Variants in EFCAB8 observed in about 807,000 individuals in gnomAD.
EFCAB8 encodes the protein EF-hand calcium-binding domain-containing protein 8.
Under a neutral mutation model 116.3 loss-of-function variants are expected in EFCAB8, and 100 were observed. The ratio of observed to expected loss-of-function variants is 0.86; its 90% CI spans 0.73 to 1.02. The LOEUF (loss-of-function observed/expected upper bound fraction) is 1.02. Among genes scored for constraint, EFCAB8 ranks in the 50% least tolerant of loss-of-function variants. The pLI is 0.00. For synonymous variants in EFCAB8, 558 were observed against 567.9 expected (o/e 0.98, Z 0.25); for missense variants, 1,320 against 1,416.9 (o/e 0.93, Z 1.10).
chr20:32,884,201 A>T (rs947908612), intron 5 of EFCAB8, among the ~76,000 whole-genome samples: 1 of 152,168 alleles, frequency 6.6e-6, no homozygotes, highest in African/African-American at 2.4e-5. Flanking sequence ...ATATTTAATT[A>T]CCTTCATGAA....
intron 20 of EFCAB8, among the ~76,000 whole-genome samples, chr20:32,929,473 T>TCCCCTCCCCC (rs1987805736): frequency 8.7e-6 from 1 of 114,918 alleles, no homozygotes; most frequent in African/African-American, 3.4e-5. Context: ...TCCCCTCCCC[T>TCCCCTCCCCC]CCCCTCCCCT....
chr20:32,934,305 A>T (rs1193269868), intron 22 of EFCAB8, among the ~76,000 whole-genome samples: 1 of 152,106 alleles, frequency 6.6e-6, no homozygotes, highest in Non-Finnish European at 1.5e-5. Flanking sequence ...AAGGCTGAAT[A>T]GTATTCCATT....
At position 32,871,554 on chromosome 20, in the gene EFCAB8, C is replaced by T. The variant is rs181550292; in HGVS notation, c.208+3807C>T. On this transcript the variant is annotated intron_variant, in intron 3 of 26. Coordinates refer to ENST00000400522, the MANE Select transcript of EFCAB8 (RefSeq NM_001143967.2). ...CTTGCTTTTTACTGAATGTATCTTG[C>T]AGATATTTTCATATCAATATTAAAA... is the stretch of plus-strand genomic sequence containing the variant. Among the ~76,000 whole-genome samples the T allele has an allele frequency of 1.5e-4, 23 of 152,194 alleles. No homozygotes were observed. The East Asian group carries it at 4.4e-3, about 29-fold the overall frequency.
chr20:32,880,272 C>CTTT (rs35227113), intron 5 of EFCAB8, among the ~76,000 whole-genome samples: 2 of 145,666 alleles, frequency 1.4e-5, no homozygotes, highest in Non-Finnish European at 3.0e-5. Context: ...CCAAGGGTAA[C>CTTT]TTTTTTTTTT....
chr20:32,862,180 G>A (rs986988583), intron 1 of EFCAB8, among the ~76,000 whole-genome samples: 13 of 151,010 alleles, frequency 8.6e-5, no homozygotes, highest in African/African-American at 3.2e-4. Flanking sequence ...ATCCAGGCTG[G>A]AGTGTAGTGG....
chr20:32,957,318 TA>T (rs1182001929), intron 23 of EFCAB8, among the ~76,000 whole-genome samples: 9,277 of 143,354 alleles, frequency 0.065, 956 homozygotes, highest in African/African-American at 0.22. Context: ...AAAATAAAAT[TA>T]AAAAAAAAAA....
chr20:32,888,555 T>A (rs1985750546), intron 6 of EFCAB8, among the ~76,000 whole-genome samples: 1 of 152,026 alleles, frequency 6.6e-6, no homozygotes, highest in African/African-American at 2.4e-5. Context: ...GGGGTCTCCC[T>A]ATGTTGCCCA....
intron 3 of EFCAB8, among the ~76,000 whole-genome samples, chr20:32,870,873 T>G (rs78156973): frequency 7.1e-6 from 1 of 139,884 alleles, no homozygotes; most frequent in Non-Finnish European, 1.6e-5. Flanking sequence ...TTTTTTTTTT[T>G]CCTGAAATGG....
At chr20:32,883,075 C>T (rs767718266) in intron 5 of EFCAB8, among the ~76,000 whole-genome samples, 5 of 152,128 alleles carry the variant, frequency 3.3e-5, no homozygotes, top group East Asian at 1.9e-4. Context: ...AGGTGATCCA[C>T]CTGCCTTGGC....
At chr20:32,912,766 T>C (rs1448075122) in intron 16 of EFCAB8, 28 bp from the exon 17 acceptor site, 1 of 718,274 alleles carries the variant, frequency 1.4e-6, no homozygotes, top group Non-Finnish European at 2.6e-6. Flanking sequence ...ATAAGTTTTC[T>C]AGTTCTGTTT....
intron 3 of EFCAB8, among the ~76,000 whole-genome samples, chr20:32,873,839 CCTT>C (rs1228960395): frequency 6.6e-6 from 1 of 150,834 alleles, no homozygotes; most frequent in African/African-American, 2.4e-5. Flanking sequence ...GTTCACCTCT[CCTT>C]CTAGATGTCT....
Position 32,960,074 on chromosome 20 carries a change from C to G in EFCAB8, c.3306C>G (p.Val1102=), listed in dbSNP as rs748020706. The change falls in exon 26 of 27, where the codon GTC becomes GTG. Residue 1102 remains valine (V), a synonymous_variant. Coordinates refer to ENST00000400522, the MANE Select transcript of EFCAB8 (RefSeq NM_001143967.2). ...WESRDKQVSK[V]LGAAYKPKER... is the part of the protein sequence containing the mutation. The stretch of plus-strand genomic sequence containing the variant: ...CGTGGCTCCTGCAGGTGAGCAAAGT[C>G]TTGGGAGCGGCGTATAAGCCCAAGG... 1 of 1,551,704 alleles carries G rather than the reference C, an allele frequency of 6.4e-7. No individual in the cohort carries two copies. The highest frequency in any genetic ancestry group is 2.0e-5 in the Admixed American group (1 of 51,006).
Position 32,961,356 on chromosome 20 carries a change from T to A in EFCAB8, c.3614T>A (p.Val1205Asp). The part of the protein sequence containing the change: ...AASSPSSLLS[V>D]TASASRLLDS... The stretch of plus-strand genomic sequence containing the variant: ...TCCTCCCCATCTTCCTTGTTATCTG[T>A]CACTGCCTCAGCCTCCAGGCTGCTG... Residue 1205 changes from valine (V) to aspartate (D), a missense_variant, in exon 27 of 27, where the codon GTC becomes GAC. Transcript: ENST00000400522. The A allele has an allele frequency of 1.4e-6, 2 of 1,471,496 alleles. No homozygotes were observed. The highest frequency in any genetic ancestry group is 1.8e-6 in the Non-Finnish European group (2 of 1,110,568). 91.2% of individuals were successfully genotyped at this position (1,471,496 alleles called of 1,614,324 possible).
At chr20:32,864,627 C>G (rs151261025) in intron 2 of EFCAB8, among the ~76,000 whole-genome samples, 2 of 152,026 alleles carry the variant, frequency 1.3e-5, no homozygotes, top group Non-Finnish European at 2.9e-5. Context: ...GCAACACACC[C>G]GAGCCCCCTG....
chr20:32,867,878 T>A, intron 3 of EFCAB8, 131 bp downstream of exon 3: 1 of 1,061,220 alleles, frequency 9.4e-7, no homozygotes, highest in Non-Finnish European at 1.3e-6. Flanking sequence ...TATTGCTCTG[T>A]CACCCAGTCT....
At chr20:32,900,182 T>C (rs1986362000) in intron 11 of EFCAB8, among the ~76,000 whole-genome samples, 1 of 152,144 alleles carries the variant, frequency 6.6e-6, no homozygotes, top group Admixed American at 6.6e-5. Flanking sequence ...TGTCTGTCCC[T>C]TTCTGTCCTG....
intron 23 of EFCAB8, among the ~76,000 whole-genome samples, chr20:32,944,329 G>A (rs541555654): frequency 1.3e-5 from 2 of 152,026 alleles, no homozygotes; most frequent in Admixed American, 6.5e-5. Context: ...GCCAGGCATG[G>A]TGGTGCATGC....
intron 20 of EFCAB8, among the ~76,000 whole-genome samples, chr20:32,928,006 C>G (rs190587557): frequency 2.0e-5 from 3 of 152,234 alleles, no homozygotes; most frequent in African/African-American, 7.2e-5. Flanking sequence ...CCCTCCAAAC[C>G]CTGGAAACCC....
At chr20:32,921,078 C>T (rs1987427864) in intron 20 of EFCAB8, among the ~76,000 whole-genome samples, 1 of 152,220 alleles carries the variant, frequency 6.6e-6, no homozygotes, top group South Asian at 2.1e-4. Context: ...CCCCATCACC[C>T]AGGTCCAGGG....
Sources: gnomAD v4.1 joint callset for allele counts (sites outside exome capture counted in the v4.1 genomes callset) on GRCh38, gnomAD v4.1.1 for gene constraint, MANE v1.5 for transcripts, NCBI Gene and HGNC (gene_info 2026-07-23, HGNC 2026-07-21) for gene names.